RASL12: variants seen among roughly 807,000 people sequenced by gnomAD.
RASL12 encodes the protein RAS like family 12, also known as ras-like protein family member 12.
Under a neutral mutation model 22.9 loss-of-function variants are expected in RASL12, and 16 were observed. That is an observed-to-expected ratio of 0.70 (90% CI 0.47 to 1.06). The LOEUF (loss-of-function observed/expected upper bound fraction) is 1.06, where lower values mean the gene tolerates loss of function less well. Ranked by LOEUF, RASL12 falls within the 50% of genes least tolerant of loss-of-function variation. RASL12 has a pLI of 0.00. For synonymous variants in RASL12, 159 were observed against 152.2 expected (o/e 1.04, Z -0.33); for missense variants, 306 against 353.1 (o/e 0.87, Z 1.07).
the RASL12 span, among the ~76,000 whole-genome samples, chr15:65,046,003 T>C: frequency 6.6e-6 from 1 of 152,092 alleles, no homozygotes; most frequent in Non-Finnish European, 1.5e-5. Context: ...CCATCTCTAC[T>C]AAAAATACAA....
the RASL12 span, among the ~76,000 whole-genome samples, chr15:65,047,804 G>C: frequency 1.6e-5 from 1 of 61,356 alleles, no homozygotes; most frequent in South Asian, 5.0e-4. Context: ...ATGATAGATA[G>C]ATAGATAGAT....
intron 1 of RASL12, among the ~76,000 whole-genome samples, chr15:65,073,817 T>A (rs2086947599): frequency 6.6e-6 from 1 of 152,208 alleles, no homozygotes; most frequent in South Asian, 2.1e-4. Flanking sequence ...AATAATAGTA[T>A]CTACTCCTGG....
In RASL12 at chr15:65,053,974, G is replaced by A; in HGVS notation, c.*925C>T. Reference sequence around the variant, plus strand: ...TTGAACACTCAGACTCATTGCTGAGGGTCCTGGGTCCTGCCAAACCAGATG... The same window carrying A: ...TTGAACACTCAGACTCATTGCTGAGAGTCCTGGGTCCTGCCAAACCAGATG... On this transcript the variant is annotated 3_prime_UTR_variant, in exon 5 of 5. Coordinates refer to ENST00000220062, the MANE Select transcript of RASL12 (RefSeq NM_016563.4). The A allele has an allele frequency of 2.0e-6, 2 of 985,816 alleles. No individual in the cohort carries two copies. Among genetic ancestry groups the A allele is most frequent in the Non-Finnish European group, 2.4e-6 (2 of 829,936 alleles). 61.1% of individuals were successfully genotyped at this position (985,816 alleles called of 1,614,324 possible). A position where few individuals can be genotyped will look rare whatever the true frequency, so the allele number is the denominator to read the frequency against.
At chr15:65,075,667 G>A (rs971141917) in intron 1 of RASL12, among the ~76,000 whole-genome samples, 4 of 151,918 alleles carry the variant, frequency 2.6e-5, no homozygotes, top group African/African-American at 9.7e-5. Flanking sequence ...TGGGGCCCTG[G>A]AGAACCTTTA....
the RASL12 span, among the ~76,000 whole-genome samples, chr15:65,046,734 G>C: frequency 1.3e-5 from 2 of 152,092 alleles, no homozygotes; most frequent in Non-Finnish European, 2.9e-5. Context: ...GCAAGATGAT[G>C]AAACCCCATC....
chr15:65,076,649 C>T (rs2086972530), exon 1 of RASL12: 1 of 724,854 alleles, frequency 1.4e-6, no homozygotes, highest in Non-Finnish European at 2.4e-6. Flanking sequence ...CCCTCCGGGC[C>T]TGCAGCCATA....
upstream of RASL12, among the ~76,000 whole-genome samples, chr15:65,070,111 TA>T (rs1293741649): frequency 6.6e-6 from 1 of 151,968 alleles, no homozygotes; most frequent in Non-Finnish European, 1.5e-5. Context: ...CAGACGCATA[TA>T]AAAAAATTAG....
At chr15:65,050,550 G>C (rs1027884339), downstream of RASL12, among the ~76,000 whole-genome samples, 5 of 152,192 alleles carry the variant, frequency 3.3e-5, no homozygotes, top group African/African-American at 9.7e-5. Flanking sequence ...GTCAAGGAAG[G>C]CCTCACTAAA....
chr15:65,059,928 C>T (rs2086782012), intron 2 of RASL12, among the ~76,000 whole-genome samples: 1 of 152,200 alleles, frequency 6.6e-6, no homozygotes, highest in Non-Finnish European at 1.5e-5. Context: ...TACAAATAAT[C>T]CTTGTCAACA....
upstream of RASL12, among the ~76,000 whole-genome samples, chr15:65,070,853 G>A (rs936153678): frequency 4.6e-5 from 7 of 152,182 alleles, no homozygotes; most frequent in Non-Finnish European, 1.0e-4. Context: ...AACCTTAGAA[G>A]GCAGATTCAA....
chr15:65,054,543 A>G lies in RASL12; in HGVS notation c.*356T>C. The G allele has an allele frequency of 9.4e-7, 1 of 1,062,634 alleles. No homozygotes were observed. The highest frequency in any genetic ancestry group is 1.1e-6 in the Non-Finnish European group (1 of 877,868). 65.8% of individuals were successfully genotyped at this position (1,062,634 alleles called of 1,614,324 possible). ...GAGCCATCCACCCAGACCATCCACT[A>G]AGGCCACAGCTGGCCCAACTGTAGC... On this transcript the variant is annotated 3_prime_UTR_variant, in exon 5 of 5. Transcript: ENST00000220062.
chr15:65,055,372 G>T, intron 4 of RASL12, 98 bp from the exon 5 acceptor site: 1 of 1,131,354 alleles, frequency 8.8e-7, no homozygotes, highest in Non-Finnish European at 1.2e-6. Flanking sequence ...CTAGCTGGGT[G>T]GCCTGGGGTC....
chr15:65,050,102 G>C, downstream of RASL12: 1 of 1,551,316 alleles, frequency 6.4e-7, no homozygotes, highest in Non-Finnish European at 8.7e-7. Flanking sequence ...GTGGAAGATG[G>C]TAAGTGGTGA....
Position 65,054,031 on chromosome 15 carries a change from G to C in RASL12, c.*868C>G, listed in dbSNP as rs964121021. On this transcript the variant is annotated 3_prime_UTR_variant, in exon 5 of 5. Coordinates refer to ENST00000220062, the MANE Select transcript of RASL12 (RefSeq NM_016563.4). The stretch of plus-strand genomic sequence containing the variant: ...GGGTATACTGTGTTTCTACCTGCAG[G>C]GGGGCAGGCCCTGTAGCCCCTGGAT... The C allele has an allele frequency of 2.0e-6, 2 of 985,892 alleles. No homozygotes were observed. Among genetic ancestry groups the C allele is most frequent in the Non-Finnish European group, 2.4e-6 (2 of 829,966 alleles). 61.1% of individuals were successfully genotyped at this position (985,892 alleles called of 1,614,324 possible).
chr15:65,053,550 G>A lies in RASL12; in HGVS notation c.*1349C>T. On this transcript the variant is annotated 3_prime_UTR_variant, in exon 5 of 5. Transcript: ENST00000220062. ...AGTTCACAGCCCCCCTCTGACCTCAGCTCCTCCATTTACAGAATGAGTCCG... is the reference window on the plus strand; with the variant it reads ...AGTTCACAGCCCCCCTCTGACCTCAACTCCTCCATTTACAGAATGAGTCCG... 9.8e-7 allele frequency: 1 copy of A among 1,015,486 alleles called. No homozygotes were observed. Among genetic ancestry groups the A allele is most frequent in the Non-Finnish European group, 1.2e-6 (1 of 849,248 alleles). 62.9% of individuals were successfully genotyped at this position (1,015,486 alleles called of 1,614,324 possible). A position where few individuals can be genotyped will look rare whatever the true frequency, so the allele number is the denominator to read the frequency against.
Position 65,067,805 on chromosome 15 carries a change from C to G in RASL12, c.31G>C (p.Gly11Arg). 1 of 1,576,754 alleles carries G rather than the reference C, an allele frequency of 6.3e-7. No individual in the cohort carries two copies. Among genetic ancestry groups the G allele is most frequent in the East Asian group, 2.4e-5 (1 of 41,344 alleles). The change falls in exon 1 of 5, where the codon GGC becomes CGC. Residue 11 changes from glycine to arginine, a missense_variant. Physicochemically the swap from Gly to Arg is moderately radical, Grantham distance 125 (BLOSUM62 -2). Transcript: ENST00000220062. Reference protein sequence around the residue: MSSVFGKPRAGSGPQSAPLEV... With the variant: MSSVFGKPRARSGPQSAPLEV... ...AGGGGCGCGCTCTGAGGCCCGCTGCCCGCGCGGGGTTTTCCAAACACCGAG... is the reference window on the plus strand; with the variant it reads ...AGGGGCGCGCTCTGAGGCCCGCTGCGCGCGCGGGGTTTTCCAAACACCGAG...
intron 2 of RASL12, among the ~76,000 whole-genome samples, chr15:65,062,769 A>G (rs1191836638): frequency 6.6e-6 from 1 of 152,158 alleles, no homozygotes; most frequent in Non-Finnish European, 1.5e-5. Flanking sequence ...CTAGCTCCCC[A>G]ATGGAATGTG....
At chr15:65,076,449 G>C in intron 1 of RASL12, 2 of 598,808 alleles carry the variant, frequency 3.3e-6, no homozygotes, top group Admixed American at 2.6e-5. Flanking sequence ...GAACCCACCA[G>C]AAGGAAGAAA....
At chr15:65,050,142 C>T, downstream of RASL12, 7 of 1,500,940 alleles carry the variant, frequency 4.7e-6, no homozygotes, top group Non-Finnish European at 6.3e-6. Flanking sequence ...GGGGTGTGCC[C>T]CTCAACACAG....
Sources: gnomAD v4.1 joint callset for allele counts (sites outside exome capture counted in the v4.1 genomes callset) on GRCh38, gnomAD v4.1.1 for gene constraint, MANE v1.5 for transcripts, NCBI Gene and HGNC (gene_info 2026-07-23, HGNC 2026-07-21) for gene names.